Variants in FAM110B observed in about 807,000 individuals in gnomAD.
FAM110B encodes the protein protein FAM110B.
A neutral mutation model predicts 20.4 loss-of-function variants in FAM110B; 6 were observed. That is an observed-to-expected ratio of 0.29 (90% CI 0.16 to 0.58). FAM110B has a LOEUF of 0.58. Among genes scored for constraint, FAM110B ranks in the 20% least tolerant of loss-of-function variants. The probability of loss-of-function intolerance (pLI) is 0.90; values close to 1 mark genes in which losing one functional copy is unlikely to be tolerated. For synonymous variants in FAM110B, 226 were observed against 214.1 expected, an observed-to-expected ratio of 1.06 and a Z score of -0.49; for missense variants, 434 against 498.2, an observed-to-expected ratio of 0.87 and a Z score of 1.23.
chr8:58,054,942 A>G (rs908236583), intron 2 of FAM110B, among the ~76,000 whole-genome samples: 14 of 152,094 alleles, frequency 9.2e-5, no homozygotes, highest in African/African-American at 3.1e-4. Flanking sequence ...GATATTAGAA[A>G]CAGCTGTTTA....
At chr8:58,093,600 G>C (rs1250715225) in intron 3 of FAM110B, among the ~76,000 whole-genome samples, 2 of 152,182 alleles carry the variant, frequency 1.3e-5, no homozygotes, top group South Asian at 4.2e-4. Flanking sequence ...CTGTTCCATT[G>C]GTCTATACAT....
intron 2 of FAM110B, among the ~76,000 whole-genome samples, chr8:58,053,028 G>A (rs372334484): frequency 0.012 from 1,757 of 151,620 alleles, 17 homozygotes; most frequent in South Asian, 0.057. Flanking sequence ...CTCGTGATCC[G>A]CCCGCCTCGG....
intron 1 of FAM110B, among the ~76,000 whole-genome samples, chr8:58,014,834 A>G (rs1585812132): frequency 6.6e-6 from 1 of 152,228 alleles, no homozygotes; most frequent in South Asian, 2.1e-4. Context: ...TAATTTTAAA[A>G]GAAAATGTTT....
intron 3 of FAM110B, among the ~76,000 whole-genome samples, chr8:58,134,548 C>CTTAACATTTTAGTTCAACTCTGGGAA (rs1563381769): frequency 6.6e-6 from 1 of 152,304 alleles, no homozygotes; most frequent in East Asian, 1.9e-4. Flanking sequence ...CTACTGAATG[C>CTTAACATTTTAGTTCAACTCTGGGAA]TTAACATTTT....
chr8:58,082,837 GTTTTTTTTTGT>G (rs1223075730), intron 3 of FAM110B, among the ~76,000 whole-genome samples: 2 of 123,096 alleles, frequency 1.6e-5, no homozygotes, highest in African/African-American at 9.9e-5. Flanking sequence ...CTCCATTTTT[GTTTTTTTTTGT>G]TTTTTTTTTT....
intron 2 of FAM110B, among the ~76,000 whole-genome samples, chr8:58,072,038 A>G (rs1438602021): frequency 1.3e-5 from 2 of 152,096 alleles, no homozygotes; most frequent in Non-Finnish European, 2.9e-5. Context: ...GTGCTCTTCT[A>G]TGTGGATGTG....
intron 1 of FAM110B, among the ~76,000 whole-genome samples, chr8:58,004,130 C>T (rs552316462): frequency 6.6e-6 from 1 of 152,310 alleles, no homozygotes; most frequent in East Asian, 1.9e-4. Flanking sequence ...AGATCCCTTG[C>T]ATGCACAGTT....
At chr8:58,111,924 T>C (rs1325512015) in intron 3 of FAM110B, among the ~76,000 whole-genome samples, 1 of 152,218 alleles carries the variant, frequency 6.6e-6, no homozygotes. Flanking sequence ...TATTCATAGT[T>C]TGGGTTAGTT....
At position 58,146,637 on chromosome 8, in the gene FAM110B, G is replaced by A. The variant is rs772689608; in HGVS notation, c.407G>A (p.Gly136Glu). Residue 136 changes from glycine to glutamate, a missense_variant, in exon 4 of 4, where the codon GGG becomes GAG. Transcript: ENST00000519262. Reference sequence around the variant, plus strand: ...TCCGAGGGCTCTAGCTCGGGCTCGGGGCACAAGCACAGCTCCCGCAACTGG... The same window carrying A: ...TCCGAGGGCTCTAGCTCGGGCTCGGAGCACAAGCACAGCTCCCGCAACTGG... ...NSSEGSSSGS[G>E]HKHSSRNWPP... 1.2e-6 allele frequency: 2 copies of A among 1,613,702 alleles called. No homozygotes were observed. The highest frequency in any genetic ancestry group is 3.3e-5 in the Admixed American group (2 of 59,996).
At chr8:58,016,448 A>G (rs35160448) in intron 1 of FAM110B, among the ~76,000 whole-genome samples, 6,418 of 152,248 alleles carry the variant, frequency 0.042, 224 homozygotes, top group Non-Finnish European at 0.052. Flanking sequence ...TCCAGCACCC[A>G]ATGTGGCTAA....
chr8:58,052,199 A>G (rs1805460058), intron 2 of FAM110B, among the ~76,000 whole-genome samples: 1 of 152,216 alleles, frequency 6.6e-6, no homozygotes, highest in Middle Eastern at 3.2e-3. Context: ...CTCACCACAT[A>G]GTTGGCTGAA....
At chr8:58,007,415 A>T (rs1265691642) in intron 1 of FAM110B, among the ~76,000 whole-genome samples, 3 of 152,140 alleles carry the variant, frequency 2.0e-5, no homozygotes, top group Admixed American at 6.5e-5. Context: ...ACGTCTTTTT[A>T]GTTTGGAAGA....
chr8:58,015,857 AAAAG>A (rs1804627801), intron 1 of FAM110B, among the ~76,000 whole-genome samples: 1 of 151,916 alleles, frequency 6.6e-6, no homozygotes, highest in African/African-American at 2.4e-5. Context: ...AAAAAAAAAA[AAAAG>A]AAAAAGAAAA....
chr8:58,067,312 C>T (rs538596893), intron 2 of FAM110B, among the ~76,000 whole-genome samples: 1 of 152,316 alleles, frequency 6.6e-6, no homozygotes, highest in South Asian at 2.1e-4. Context: ...CGTCTGCATT[C>T]TGTGAGCCAG....
At chr8:58,016,620 T>C (rs1172049693) in intron 1 of FAM110B, among the ~76,000 whole-genome samples, 9 of 152,224 alleles carry the variant, frequency 5.9e-5, no homozygotes. Flanking sequence ...ATGTCTCAGT[T>C]TGGCTAGCTA....
chr8:58,132,918 C>T (rs1338595629), intron 3 of FAM110B, among the ~76,000 whole-genome samples: 2 of 152,120 alleles, frequency 1.3e-5, no homozygotes, highest in African/African-American at 4.8e-5. Flanking sequence ...CTCCCTTTTT[C>T]ACTTTGGGGA....
chr8:58,089,121 T>A (rs1806409878), intron 3 of FAM110B, among the ~76,000 whole-genome samples: 1 of 152,236 alleles, frequency 6.6e-6, no homozygotes, highest in African/African-American at 2.4e-5. Flanking sequence ...TAATGCTGCC[T>A]ATCGGAGGCA....
At chr8:58,047,637 A>ACTCTCTCTTT (rs1585840295) in intron 2 of FAM110B, among the ~76,000 whole-genome samples, 1 of 43,554 alleles carries the variant, frequency 2.3e-5, no homozygotes, top group Non-Finnish European at 6.0e-5. Context: ...TCTCTCTCTG[A>ACTCTCTCTTT]CTTATATAAA....
At chr8:58,068,491 C>G (rs2150588971) in intron 2 of FAM110B, among the ~76,000 whole-genome samples, 1 of 152,206 alleles carries the variant, frequency 6.6e-6, no homozygotes, top group South Asian at 2.1e-4. Context: ...TGAAATGCCC[C>G]TTTGCCAATA....
Sources: gnomAD v4.1 joint callset for allele counts (sites outside exome capture counted in the v4.1 genomes callset) on GRCh38, gnomAD v4.1.1 for gene constraint, MANE v1.5 for transcripts, NCBI Gene and HGNC (gene_info 2026-07-23, HGNC 2026-07-21) for gene names.